NAV3: variants seen among roughly 807,000 people sequenced by gnomAD.
The protein encoded by NAV3 is neuron navigator 3, also known as pore membrane and/or filament interacting like protein 1.
NAV3 carries 87 observed loss-of-function variants against 244.7 expected under a neutral mutation model. That is an observed-to-expected ratio of 0.36 (90% CI 0.30 to 0.42). The LOEUF (loss-of-function observed/expected upper bound fraction) is 0.42, where lower values mean the gene tolerates loss of function less well. NAV3 is among the 20% of genes least tolerant of loss of function. The probability of loss-of-function intolerance (pLI) is 1.00; values close to 1 mark genes in which losing one functional copy is unlikely to be tolerated. For missense variants in NAV3, 2,663 were observed against 2,893.3 expected (o/e 0.92, Z 1.83); for synonymous variants, 1,126 against 1,042.2 (o/e 1.08, Z -1.55).
At chr12:77,733,967 C>A (rs1877230718) in intron 2 of NAV3, among the ~76,000 whole-genome samples, 1 of 148,984 alleles carries the variant, frequency 6.7e-6, no homozygotes, top group Non-Finnish European at 1.5e-5. Context: ...GGAGACAAAG[C>A]AAGGAAAGGT....
intron 9 of NAV3, among the ~76,000 whole-genome samples, chr12:78,033,360 C>T (rs2136982569): frequency 6.6e-6 from 1 of 152,020 alleles, no homozygotes; most frequent in Admixed American, 6.5e-5. Context: ...AAAAGCATTC[C>T]TTTCCAGCAC....
chr12:78,137,674 TTTTG>T (rs1956432024), intron 19 of NAV3, among the ~76,000 whole-genome samples: 2 of 152,176 alleles, frequency 1.3e-5, no homozygotes, highest in Admixed American at 1.3e-4. Context: ...AGAGCAAATG[TTTTG>T]TTTGACATTT....
intron 1 of NAV3, among the ~76,000 whole-genome samples, chr12:77,837,389 G>A (rs1874840195): frequency 6.6e-6 from 1 of 152,096 alleles, no homozygotes; most frequent in South Asian, 2.1e-4. Flanking sequence ...TGATATTTAG[G>A]AGAAATCATT....
intron 1 of NAV3, among the ~76,000 whole-genome samples, chr12:77,890,886 A>C (rs953071056): frequency 3.3e-5 from 5 of 152,222 alleles, no homozygotes; most frequent in African/African-American, 1.2e-4. Context: ...TGAAATGCCT[A>C]TAATGTTGCA....
At position 78,042,626 on chromosome 12, in the gene NAV3, C is replaced by T. The variant is rs112332877; in HGVS notation, c.2024-7367C>T. Among the ~76,000 whole-genome samples, 1,338 of 151,478 alleles carry T rather than the reference C, an allele frequency of 8.8e-3. 8 individuals are homozygous for T. The highest frequency in any genetic ancestry group is 0.015 in the Non-Finnish European group (987 of 67,846). ...TGACCAACATGGTGAAACCCCATCT[C>T]TACTAAATACAAAAATTAGCCGGGC... On this transcript the variant is annotated intron_variant, in intron 9 of 39. Coordinates refer to ENST00000397909, the MANE Select transcript of NAV3 (RefSeq NM_001024383.2).
intron 2 of NAV3, among the ~76,000 whole-genome samples, chr12:77,732,756 ACTACTAAGC>A: frequency 6.6e-6 from 1 of 152,196 alleles, no homozygotes; most frequent in Admixed American, 6.5e-5. Context: ...AAGTAACCTG[ACTACTAAGC>A]CTATGTAGAT....
intron 5 of NAV3, among the ~76,000 whole-genome samples, chr12:77,977,708 A>ACACACG (rs71088353): frequency 0.13 from 9,151 of 73,042 alleles, 374 homozygotes; most frequent in Non-Finnish European, 0.19. Context: ...ACACACACAC[A>ACACACG]CGCGCACACA....
At chr12:78,140,674 G>C (rs760240970) in intron 20 of NAV3, among the ~76,000 whole-genome samples, 2 of 151,998 alleles carry the variant, frequency 1.3e-5, no homozygotes, top group Non-Finnish European at 2.9e-5. Context: ...GTAATGACGA[G>C]TTGTCCATGT....
chr12:78,154,210 T>C (rs543933211), intron 22 of NAV3, among the ~76,000 whole-genome samples: 16 of 103,430 alleles, frequency 1.5e-4, no homozygotes, highest in African/African-American at 5.1e-4. Context: ...ATACTCTAGG[T>C]ATACATATAT....
intron 12 of NAV3, among the ~76,000 whole-genome samples, chr12:78,087,002 C>G (rs1420595874): frequency 6.6e-6 from 1 of 151,954 alleles, no homozygotes; most frequent in Non-Finnish European, 1.5e-5. Flanking sequence ...GCCTGTAGCC[C>G]ATATTGCTCT....
chr12:77,673,593 C>T (rs1484168591), intron 2 of NAV3, among the ~76,000 whole-genome samples: 1 of 151,986 alleles, frequency 6.6e-6, no homozygotes, highest in Non-Finnish European at 1.5e-5. Flanking sequence ...TAATCTGATA[C>T]ACAATGACAT....
chr12:78,052,505 T>C (rs968876056), intron 11 of NAV3, among the ~76,000 whole-genome samples: 30 of 152,338 alleles, frequency 2.0e-4, no homozygotes, highest in African/African-American at 5.8e-4. Context: ...ACCATCTTCA[T>C]GAAGTTGTTA....
At chr12:78,198,272 A>C (rs926282056) in intron 35 of NAV3, among the ~76,000 whole-genome samples, 1 of 151,900 alleles carries the variant, frequency 6.6e-6, no homozygotes, top group African/African-American at 2.4e-5. Context: ...AAAGTTAATA[A>C]ATTTTATCAT....
At chr12:77,709,171 C>A (rs1329723422) in intron 2 of NAV3, among the ~76,000 whole-genome samples, 3 of 152,048 alleles carry the variant, frequency 2.0e-5, no homozygotes, top group Admixed American at 2.0e-4. Flanking sequence ...TAAATGTAAT[C>A]CAGCATATAA....
At chr12:77,730,721 G>A (rs1165693498) in intron 2 of NAV3, among the ~76,000 whole-genome samples, 1 of 150,500 alleles carries the variant, frequency 6.6e-6, no homozygotes, top group Non-Finnish European at 1.5e-5. Flanking sequence ...GAATTACTAA[G>A]TTTCCAGATT....
chr12:77,703,590 A>G (rs780399330), intron 2 of NAV3, among the ~76,000 whole-genome samples: 1 of 152,162 alleles, frequency 6.6e-6, no homozygotes, highest in Non-Finnish European at 1.5e-5. Flanking sequence ...CCTTCTAAGA[A>G]ACTGCCTAAA....
chr12:77,949,147 A>G (rs1203105191), intron 3 of NAV3, among the ~76,000 whole-genome samples: 1 of 152,082 alleles, frequency 6.6e-6, no homozygotes, highest in Non-Finnish European at 1.5e-5. Context: ...TGTTTCAAAC[A>G]TAACAAGAAA....
chr12:78,109,493 CA>C (rs899200545), intron 12 of NAV3, among the ~76,000 whole-genome samples: 4 of 151,674 alleles, frequency 2.6e-5, no homozygotes, highest in Non-Finnish European at 1.5e-5. Context: ...AAGGACACCA[CA>C]AAAAGAAAAC....
intron 16 of NAV3, among the ~76,000 whole-genome samples, chr12:78,123,791 G>C (rs1267831392): frequency 6.6e-6 from 1 of 152,274 alleles, no homozygotes; most frequent in Admixed American, 6.5e-5. Flanking sequence ...TGGTTTTGCT[G>C]TTATATGCTA....
Sources: allele counts gnomAD v4.1 joint callset (sites outside exome capture counted in the v4.1 genomes callset), GRCh38; gene constraint gnomAD v4.1.1; transcripts MANE v1.5; gene names NCBI Gene and HGNC (gene_info 2026-07-23, HGNC 2026-07-21).